The following SMYD3 variants were observed in gnomAD, a reference collection of about 807,000 sequenced individuals.
The protein encoded by SMYD3 is histone-lysine N-methyltransferase SMYD3.
SMYD3 carries 36 observed loss-of-function variants against 57.7 expected under a neutral mutation model. The observed-to-expected ratio is 0.62, with a 90% CI of 0.48 to 0.82. The LOEUF (loss-of-function observed/expected upper bound fraction) is 0.82. Ranked by LOEUF, SMYD3 falls within the 40% of genes least tolerant of loss-of-function variation. The pLI is 0.00. For missense variants in SMYD3, 515 were observed against 538.8 expected (o/e 0.96, Z 0.44); for synonymous variants, 211 against 195.0 (o/e 1.08, Z -0.68).
intron 5 of SMYD3, among the ~76,000 whole-genome samples, chr1:246,273,166 G>GA (rs1164524209): frequency 8.9e-4 from 49 of 55,088 alleles, no homozygotes; most frequent in Admixed American, 7.2e-3. Context: ...TTTTTTGGGG[G>GA]GGGGACAGAG....
chr1:246,280,489 T>C (rs764489609), intron 5 of SMYD3, among the ~76,000 whole-genome samples: 41 of 152,130 alleles, frequency 2.7e-4, no homozygotes, highest in Admixed American at 3.3e-4. Context: ...TTAAAAATCT[T>C]AGAGAAGCTG....
chr1:245,841,209 A>G (rs2050384312), intron 10 of SMYD3, among the ~76,000 whole-genome samples: 1 of 152,256 alleles, frequency 6.6e-6, no homozygotes, highest in South Asian at 2.1e-4. Flanking sequence ...TTTAAAATAA[A>G]GATTTAATAC....
intron 8 of SMYD3, among the ~76,000 whole-genome samples, chr1:245,907,844 A>C (rs1051483593): frequency 2.6e-5 from 4 of 152,206 alleles, no homozygotes; most frequent in Non-Finnish European, 5.9e-5. Context: ...GCCAGATTAA[A>C]AGTGAAGGGA....
intron 5 of SMYD3, among the ~76,000 whole-genome samples, chr1:246,005,645 A>G (rs1191588593): frequency 6.6e-6 from 1 of 152,232 alleles, no homozygotes; most frequent in East Asian, 1.9e-4. Flanking sequence ...GGCATAGTTT[A>G]AGCATGTAAA....
chr1:245,832,809 C>T (rs1033765499), intron 10 of SMYD3, among the ~76,000 whole-genome samples: 6 of 152,012 alleles, frequency 3.9e-5, no homozygotes, highest in Non-Finnish European at 8.8e-5. Flanking sequence ...GTTTCATGTG[C>T]CTTTTTTTAT....
chr1:246,186,915 G>C (rs1412521762), intron 5 of SMYD3: 1 of 985,296 alleles, frequency 1.0e-6, no homozygotes, highest in East Asian at 1.1e-4. Flanking sequence ...TTATGCAAGA[G>C]GTCTCACGGA....
chr1:246,344,914 A>G (rs1302525474), intron 2 of SMYD3, among the ~76,000 whole-genome samples: 9 of 152,320 alleles, frequency 5.9e-5, no homozygotes, highest in South Asian at 2.1e-4. Flanking sequence ...CTACTGAATT[A>G]TAAGTATTCT....
In SMYD3 at chr1:246,507,102, G is replaced by A. The variant is rs1258460062; in HGVS notation, c.116C>T (p.Thr39Met). The A allele has an allele frequency of 2.0e-6, 3 of 1,531,074 alleles. No individual in the cohort carries two copies. Among genetic ancestry groups the A allele is most frequent in the Non-Finnish European group, 1.8e-6 (2 of 1,139,094 alleles). The allele number at this position is 1,531,074 out of a possible 1,614,324, so 94.8% of individuals were successfully genotyped here. Residue 39 changes from threonine to methionine, a missense_variant, in exon 1 of 12, where the codon ACG (threonine) becomes ATG (methionine). Physicochemically the swap from Thr to Met is moderately conservative, Grantham distance 81. Coordinates refer to ENST00000490107, the MANE Select transcript of SMYD3 (RefSeq NM_001167740.2). ...LLFRSDPLAY[T>M]VCKGSRGVVC... Reference sequence around the variant, plus strand: ...GACGCCACGACTCCCCTTGCACACCGTGTACGCCAAGGGATCCGAGCGGAA... The same window carrying A: ...GACGCCACGACTCCCCTTGCACACCATGTACGCCAAGGGATCCGAGCGGAA...
intron 8 of SMYD3, among the ~76,000 whole-genome samples, chr1:245,914,943 G>A (rs1219540561): frequency 6.6e-6 from 1 of 152,122 alleles, no homozygotes; most frequent in East Asian, 1.9e-4. Context: ...TCAGGGGTTG[G>A]GGTAGGGGTG....
chr1:245,887,531 G>T (rs1471162072), intron 8 of SMYD3, among the ~76,000 whole-genome samples: 1 of 152,124 alleles, frequency 6.6e-6, no homozygotes, highest in Non-Finnish European at 1.5e-5. Context: ...TTGGGGTCTG[G>T]ATTGGGACCC....
intron 1 of SMYD3, among the ~76,000 whole-genome samples, chr1:246,481,792 G>C (rs1426001914): frequency 2.0e-5 from 3 of 150,014 alleles, no homozygotes; most frequent in African/African-American, 7.4e-5. Flanking sequence ...TATAGAGAGA[G>C]AGAGATCGAT....
intron 5 of SMYD3, among the ~76,000 whole-genome samples, chr1:245,935,067 A>T (rs1558510681): frequency 6.6e-6 from 1 of 152,238 alleles, no homozygotes; most frequent in Non-Finnish European, 1.5e-5. Flanking sequence ...ATGGGGTTGC[A>T]TCAAACTAAA....
At chr1:245,988,985 C>T (rs2058759530) in intron 5 of SMYD3, among the ~76,000 whole-genome samples, 2 of 152,192 alleles carry the variant, frequency 1.3e-5, no homozygotes, top group Admixed American at 1.3e-4. Flanking sequence ...CCAATAAATT[C>T]CCCGTATCAT....
rs565922945 is a variant in SMYD3, at chr1:246,107,459, A to G, written c.532-177522T>C. Among the ~76,000 whole-genome samples the G allele has an allele frequency of 1.5e-3, 229 of 152,288 alleles. 2 individuals carry two copies. Among genetic ancestry groups the G allele is most frequent in the African/African-American group, 4.9e-3 (205 of 41,562 alleles). On this transcript the variant is annotated intron_variant, in intron 5 of 11. Coordinates refer to ENST00000490107, the MANE Select transcript of SMYD3 (RefSeq NM_001167740.2). ...AAGAGATTATTTTTATAATTTAATC[A>G]CAGAAAAGACTAGACTATCAGGTAG...
intron 8 of SMYD3, among the ~76,000 whole-genome samples, chr1:245,895,117 A>G (rs2053677411): frequency 6.6e-6 from 1 of 152,232 alleles, no homozygotes; most frequent in Non-Finnish European, 1.5e-5. Context: ...CGTATGTCAT[A>G]GCAACACTGC....
At chr1:246,384,140 G>T (rs1182918799) in intron 1 of SMYD3, among the ~76,000 whole-genome samples, 1 of 151,976 alleles carries the variant, frequency 6.6e-6, no homozygotes, top group Non-Finnish European at 1.5e-5. Flanking sequence ...AAAATAAAAT[G>T]CAACTATTTT....
chr1:246,031,536 A>G (rs986909529), intron 5 of SMYD3, among the ~76,000 whole-genome samples: 4 of 152,020 alleles, frequency 2.6e-5, no homozygotes, highest in African/African-American at 7.2e-5. Context: ...AGGAGATCAA[A>G]ACCATCCTGG....
At chr1:246,474,856 A>C (rs1025348610) in intron 1 of SMYD3, among the ~76,000 whole-genome samples, 2 of 152,096 alleles carry the variant, frequency 1.3e-5, no homozygotes, top group Non-Finnish European at 2.9e-5. Context: ...AATTCTGTCA[A>C]GTAGCAGGAA....
chr1:246,101,395 C>A lies in SMYD3; in HGVS notation c.532-171458G>T, dbSNP rs145546426. Reference sequence around the variant, plus strand: ...ACTCGCCCGTTTATCTGCTCCTCTTCCAGCAGAGTGTCTGGCACAAAATGG... The same window carrying A: ...ACTCGCCCGTTTATCTGCTCCTCTTACAGCAGAGTGTCTGGCACAAAATGG... On this transcript the variant is annotated intron_variant, in intron 5 of 11. Transcript: ENST00000490107. 5.7e-3 allele frequency among the ~76,000 whole-genome samples: 875 copies of A among 152,256 alleles called. 6 individuals carry two copies. Among genetic ancestry groups the A allele is most frequent in the Admixed American group, 0.01 (154 of 15,300 alleles).
Sources: gnomAD v4.1 joint callset for allele counts (sites outside exome capture counted in the v4.1 genomes callset) on GRCh38, gnomAD v4.1.1 for gene constraint, MANE v1.5 for transcripts, NCBI Gene and HGNC (gene_info 2026-07-23, HGNC 2026-07-21) for gene names.